TSPAN15: variants seen among roughly 807,000 people sequenced by gnomAD.
The protein encoded by TSPAN15 is tetraspanin-15.
In TSPAN15, 20 loss-of-function variants were observed where a neutral mutation model predicts 34.5. The observed-to-expected ratio is 0.58, with a 90% CI of 0.41 to 0.84. The LOEUF is 0.84. Ranked by LOEUF, TSPAN15 falls within the 40% of genes least tolerant of loss-of-function variation. The pLI, the probability that TSPAN15 is intolerant of heterozygous loss-of-function variation, is 0.00. For synonymous variants in TSPAN15, 155 were observed against 153.9 expected (o/e 1.01, Z -0.05); for missense variants, 313 against 386.1 (o/e 0.81, Z 1.59).
intron 6 of TSPAN15, among the ~76,000 whole-genome samples, chr10:69,505,567 CT>C (rs202092249): frequency 0.11 from 15,523 of 142,826 alleles, 844 homozygotes; most frequent in South Asian, 0.14. Context: ...TGCAGAAATG[CT>C]TTTTTTTTTT....
rs185222967 is a variant in TSPAN15 at position 69,506,655 on chromosome 10, G to A, written c.736-174G>A. ...GGAAGGGGAGAGGGGGCCCAGGTGG[G>A]AGCTTCTTGGGCAGTGTGGGTGCTG... On this transcript the variant is annotated intron_variant, in intron 7 of 7. Transcript: ENST00000373290. This position sits in a 1 kb window ranked among gnomAD's most constrained non-coding sequence, Gnocchi z 4.7. 7.2e-5 allele frequency among the ~76,000 whole-genome samples: 11 copies of A among 152,322 alleles called. No homozygotes were observed. The highest frequency in any genetic ancestry group is 2.6e-4 in the African/African-American group (11 of 41,576).
At chr10:69,544,377 C>A in the TSPAN15 span, among the ~76,000 whole-genome samples, 1 of 152,174 alleles carries the variant, frequency 6.6e-6, no homozygotes, top group Non-Finnish European at 1.5e-5. Flanking sequence ...AAGCCTTGGG[C>A]TCTCTGGGGT....
At chr10:69,537,844 G>T in the TSPAN15 span, among the ~76,000 whole-genome samples, 1 of 152,202 alleles carries the variant, frequency 6.6e-6, no homozygotes, top group South Asian at 2.1e-4. Flanking sequence ...GATCCTGAGG[G>T]TGGGGACTGG....
the TSPAN15 span, among the ~76,000 whole-genome samples, chr10:69,528,727 A>G: frequency 2.7e-5 from 4 of 148,374 alleles, no homozygotes; most frequent in African/African-American, 7.3e-5. Context: ...CAGCCAGGGT[A>G]TCCTGATGAG....
In TSPAN15 at chr10:69,488,951, G is replaced by A. The variant is rs557462128; in HGVS notation, c.357+3736G>A. On this transcript the variant is annotated intron_variant, in intron 3 of 7. Coordinates refer to ENST00000373290, the MANE Select transcript of TSPAN15 (RefSeq NM_012339.5). ...GTCTTGATAAACATCTTAAACAACAGAAAACAGGGTTCGAGAGCAGAGAAC... is the reference window on the plus strand; with the variant it reads ...GTCTTGATAAACATCTTAAACAACAAAAAACAGGGTTCGAGAGCAGAGAAC... 1.7e-3 allele frequency among the ~76,000 whole-genome samples: 261 copies of A among 152,272 alleles called. 4 individuals are homozygous for A. The highest frequency in any genetic ancestry group is 2.1e-3 in the Admixed American group (32 of 15,300).
intron 1 of TSPAN15, among the ~76,000 whole-genome samples, chr10:69,478,008 A>G (rs1197409548): frequency 6.6e-6 from 1 of 152,220 alleles, no homozygotes; most frequent in African/African-American, 2.4e-5. Context: ...AATGAGGCCC[A>G]CAAGCGGGAA....
the TSPAN15 span, among the ~76,000 whole-genome samples, chr10:69,546,561 G>A: frequency 1.6e-3 from 247 of 152,216 alleles, no homozygotes; most frequent in Non-Finnish European, 2.5e-3. Context: ...CGCATCCAAG[G>A]TGGAAACTCT....
chr10:69,462,404 G>A (rs576792025), intron 1 of TSPAN15, among the ~76,000 whole-genome samples: 11 of 151,844 alleles, frequency 7.2e-5, no homozygotes, highest in Middle Eastern at 3.4e-3. Context: ...GCGTGATCTC[G>A]GCTCACTGCA....
chr10:69,488,964 G>A (rs1053792266), intron 3 of TSPAN15, among the ~76,000 whole-genome samples: 6 of 152,142 alleles, frequency 3.9e-5, no homozygotes, highest in African/African-American at 1.2e-4. Flanking sequence ...AACAGGGTTC[G>A]AGAGCAGAGA....
intron 1 of TSPAN15, among the ~76,000 whole-genome samples, chr10:69,463,360 C>T (rs1163891811): frequency 2.6e-5 from 4 of 152,168 alleles, no homozygotes; most frequent in Non-Finnish European, 5.9e-5. Context: ...TGGTCTATCT[C>T]TACTTCACAG....
intron 1 of TSPAN15, among the ~76,000 whole-genome samples, chr10:69,452,448 C>T (rs943331370): frequency 6.6e-6 from 1 of 152,174 alleles, no homozygotes; most frequent in Non-Finnish European, 1.5e-5. Flanking sequence ...TGAGCACTTG[C>T]TGAGTGATCT....
chr10:69,522,907 C>A, the TSPAN15 span, among the ~76,000 whole-genome samples: 2 of 147,868 alleles, frequency 1.4e-5, no homozygotes, highest in Non-Finnish European at 3.0e-5. Context: ...CTTTGATACA[C>A]AAAAGTTTTA....
chr10:69,451,770 C>CCA, intron 1 of TSPAN15, 80 bp downstream of exon 1: 2 of 1,145,580 alleles, frequency 1.7e-6, no homozygotes, highest in Non-Finnish European at 2.3e-6. Context: ...GGGGTTGGGT[C>CCA]CACACTTAGC....
chr10:69,463,177 T>C (rs1050605250), intron 1 of TSPAN15, among the ~76,000 whole-genome samples: 2 of 152,272 alleles, frequency 1.3e-5, no homozygotes, highest in Non-Finnish European at 2.9e-5. Flanking sequence ...TCTTAACTTT[T>C]ATGAGTCAGG....
intron 1 of TSPAN15, among the ~76,000 whole-genome samples, chr10:69,452,913 G>A (rs2133047311): frequency 6.6e-6 from 1 of 152,324 alleles, no homozygotes; most frequent in Admixed American, 6.5e-5. Flanking sequence ...TGCTGGATTT[G>A]CCATCAGGAC....
intron 1 of TSPAN15, among the ~76,000 whole-genome samples, chr10:69,473,998 G>T (rs570193359): frequency 1.2e-4 from 18 of 152,296 alleles, no homozygotes; most frequent in African/African-American, 4.3e-4. Flanking sequence ...TTAAAAACAA[G>T]ATACATGAAA....
chr10:69,495,783 G>T, intron 4 of TSPAN15, 94 bp downstream of exon 4: 1 of 876,414 alleles, frequency 1.1e-6, no homozygotes, highest in Non-Finnish European at 1.8e-6. Flanking sequence ...GGGACCAGGT[G>T]ACTTATCCAT....
chr10:69,523,924 A>G, the TSPAN15 span, among the ~76,000 whole-genome samples: 1 of 147,814 alleles, frequency 6.8e-6, no homozygotes, highest in Non-Finnish European at 1.5e-5. Context: ...GTCAAAGGAA[A>G]GGGGATGGGG....
chr10:69,459,132 C>CA (rs1841187491), intron 1 of TSPAN15, among the ~76,000 whole-genome samples: 1 of 131,408 alleles, frequency 7.6e-6, no homozygotes, highest in Admixed American at 7.5e-5. Flanking sequence ...AAAACAACAA[C>CA]AAAACAACCT....
Sources: allele counts gnomAD v4.1 joint callset (sites outside exome capture counted in the v4.1 genomes callset), GRCh38; gene constraint gnomAD v4.1.1; non-coding constraint Gnocchi (gnomAD v3.1); transcripts MANE v1.5; gene names NCBI Gene and HGNC (gene_info 2026-07-23, HGNC 2026-07-21).